DYRK4: variants seen among roughly 807,000 people sequenced by gnomAD.
DYRK4 encodes dual specificity tyrosine-phosphorylation-regulated kinase 4.
In DYRK4, 64 loss-of-function variants were observed where a neutral mutation model predicts 68.3. That is an observed-to-expected ratio of 0.94 (90% CI 0.77 to 1.15). DYRK4 has a LOEUF of 1.15. DYRK4 is among the 50% of genes most tolerant of loss of function. DYRK4 has a pLI of 0.00. For synonymous variants in DYRK4, 274 were observed against 289.9 expected (o/e 0.95, Z 0.56); for missense variants, 740 against 764.7 (o/e 0.97, Z 0.38).
intron 11 of DYRK4, among the ~76,000 whole-genome samples, chr12:4,606,216 T>G (rs908531992): frequency 7.2e-5 from 11 of 152,226 alleles, no homozygotes; most frequent in Non-Finnish European, 1.6e-4. Flanking sequence ...CTTTAAAAAT[T>G]TTAAATTTTA....
intron 14 of DYRK4, chr12:4,612,983 G>T: frequency 2.6e-6 from 1 of 388,454 alleles, no homozygotes; most frequent in Non-Finnish European, 4.7e-6. Flanking sequence ...TTCCTTTTCA[G>T]GGAAATTTGG....
At chr12:4,610,381 A>AT in intron 13 of DYRK4, 97 bp downstream of exon 13, 1 of 1,277,378 alleles carries the variant, frequency 7.8e-7, no homozygotes, top group Non-Finnish European at 1.1e-6. Context: ...GGAGATAGTT[A>AT]TAAAAGTAAC....
At position 4,613,437 on chromosome 12, in the gene DYRK4, A is replaced by T; in HGVS notation, c.1667-78A>T. On this transcript the variant is annotated intron_variant, in intron 14 of 14. Transcript: ENST00000543431. The surrounding 1 kb of genome is among the most constrained non-coding windows in gnomAD (Gnocchi z 4.0). The stretch of plus-strand genomic sequence containing the variant: ...TCACGGTCATCGTTTCCACTAAGTG[A>T]TGTACAACCTAAAGGACAATTAACA... 2.0e-6 allele frequency: 3 copies of T among 1,509,194 alleles called. No homozygotes were observed. In the South Asian group the frequency reaches 4.0e-5, roughly 20 times the overall value. 93.5% of individuals were successfully genotyped at this position (1,509,194 alleles called of 1,614,324 possible). A position where few individuals can be genotyped will look rare whatever the true frequency, so the allele number is the denominator to read the frequency against.
chr12:4,575,968 T>C (rs1591788317), intron 2 of DYRK4, among the ~76,000 whole-genome samples: 1 of 152,212 alleles, frequency 6.6e-6, no homozygotes, highest in East Asian at 1.9e-4. Flanking sequence ...CTCCTATTAT[T>C]GACATTTTAC....
rs377229666 is a variant in DYRK4 at position 4,591,346 on chromosome 12, C to T, written c.463+48C>T. ...GGGTGGGGAGGTGCTTATGGAAGGT[C>T]GGGGTGTTAAGAGCTAAGCTGCGCT... is the stretch of plus-strand genomic sequence containing the variant. On this transcript the variant is annotated intron_variant, in intron 5 of 14. Coordinates refer to ENST00000543431, the MANE Select transcript of DYRK4 (RefSeq NM_001394779.1). The surrounding 1 kb of genome is among the most constrained non-coding windows in gnomAD (Gnocchi z 4.1). 29 of 1,601,566 alleles carry T rather than the reference C, an allele frequency of 1.8e-5. No homozygotes were observed. The highest frequency in any genetic ancestry group is 4.5e-5 in the South Asian group (4 of 88,630).
chr12:4,611,965 T>C (rs1945226884), intron 13 of DYRK4, among the ~76,000 whole-genome samples: 2 of 152,232 alleles, frequency 1.3e-5, no homozygotes, highest in Non-Finnish European at 2.9e-5. Flanking sequence ...CAAGAACTTT[T>C]AAAGAATCGG....
In DYRK4 at chr12:4,562,225, C is replaced by G; in HGVS notation, c.-21C>G. ...GGGCTCTCACAGCCTCCCGCAGCGG[C>G]GGGCGGTCAGCGCCGGCCTCATGCA... On this transcript the variant is annotated 5_prime_UTR_variant, in exon 1 of 15. Coordinates refer to ENST00000543431, the MANE Select transcript of DYRK4 (RefSeq NM_001394779.1). 1 of 1,524,110 alleles carries G rather than the reference C, an allele frequency of 6.6e-7. No homozygotes were observed. Among genetic ancestry groups the G allele is most frequent in the African/African-American group, 1.4e-5 (1 of 72,412 alleles). 94.4% of individuals were successfully genotyped at this position (1,524,110 alleles called of 1,614,324 possible).
chr12:4,578,000 C>T (rs1944805993), intron 2 of DYRK4, among the ~76,000 whole-genome samples: 1 of 152,102 alleles, frequency 6.6e-6, no homozygotes, highest in Non-Finnish European at 1.5e-5. Flanking sequence ...AGCTTTTATA[C>T]AATCTTGGGT....
intron 11 of DYRK4, 143 bp from the exon 12 acceptor site, chr12:4,607,184 C>A: frequency 4.7e-6 from 4 of 850,432 alleles, no homozygotes; most frequent in Middle Eastern, 2.3e-4. Flanking sequence ...TCTGGGTTTG[C>A]TCTGCTACTG....
At chr12:4,570,040 AAATAATAATAATAAT>A (rs58464815) in intron 2 of DYRK4, among the ~76,000 whole-genome samples, 3,564 of 141,182 alleles carry the variant, frequency 0.025, 147 homozygotes, top group African/African-American at 0.082. Flanking sequence ...CTGTCGCTAT[AAATAATAATAATAAT>A]AATAATAATA....
At position 4,589,151 on chromosome 12, in the gene DYRK4, C is replaced by T. The variant is rs893822527; in HGVS notation, c.213+134C>T. 1.3e-4 allele frequency: 91 copies of T among 680,288 alleles called. 1 individual carries two copies. The East Asian group carries it at 2.0e-3, about 15-fold the overall frequency. The allele number at this position is 680,288 out of a possible 1,614,324, so 42.1% of individuals were successfully genotyped here. On this transcript the variant is annotated intron_variant, in intron 3 of 14. Transcript: ENST00000543431. ...TAACATGATGACAGCACTCTATCCA[C>T]GTCACCACACCCCATCTCCACATCA...
intron 6 of DYRK4, among the ~76,000 whole-genome samples, chr12:4,594,179 A>G (rs892192915): frequency 6.6e-6 from 1 of 152,176 alleles, no homozygotes; most frequent in African/African-American, 2.4e-5. Flanking sequence ...CAACCTGCGC[A>G]TACATAAAAT....
chr12:4,579,366 G>A (rs73257416), intron 2 of DYRK4, among the ~76,000 whole-genome samples: 3,384 of 152,200 alleles, frequency 0.022, 127 homozygotes, highest in African/African-American at 0.075. Context: ...AGGCATGGGA[G>A]TGCTCTCATG....
At chr12:4,603,816 T>A (rs929713723) in intron 10 of DYRK4, among the ~76,000 whole-genome samples, 1 of 152,260 alleles carries the variant, frequency 6.6e-6, no homozygotes, top group African/African-American at 2.4e-5. Flanking sequence ...TCAGTTTTCA[T>A]TTATCTTGGC....
chr12:4,598,116 C>T (rs1308233426), intron 8 of DYRK4, among the ~76,000 whole-genome samples: 1 of 152,044 alleles, frequency 6.6e-6, no homozygotes, highest in Non-Finnish European at 1.5e-5. Context: ...GTGACTCACA[C>T]CTGTAATCTC....
chr12:4,562,314 G>T, intron 1 of DYRK4, 31 bp downstream of exon 1: 1 of 1,528,252 alleles, frequency 6.5e-7, no homozygotes, highest in Non-Finnish European at 8.7e-7. Flanking sequence ...TACTTCACGA[G>T]CAGTCAGGCG....
chr12:4,601,705 T>G (rs897996887), intron 10 of DYRK4, among the ~76,000 whole-genome samples: 5 of 152,226 alleles, frequency 3.3e-5, no homozygotes, highest in African/African-American at 1.2e-4. Context: ...CAACTTTTAC[T>G]TTACATATAT....
At chr12:4,583,865 G>A (rs761901820) in intron 2 of DYRK4, among the ~76,000 whole-genome samples, 10 of 152,174 alleles carry the variant, frequency 6.6e-5, no homozygotes, top group Non-Finnish European at 1.5e-4. Flanking sequence ...GATTGGCTCT[G>A]GAGCTGGTCC....
At chr12:4,602,480 A>G in intron 10 of DYRK4, 1 of 1,303,300 alleles carries the variant, frequency 7.7e-7, no homozygotes, top group Non-Finnish European at 1.1e-6. Context: ...TCGATCTGAG[A>G]TGGCAGCAGA....
Sources: gnomAD v4.1 joint callset for allele counts (sites outside exome capture counted in the v4.1 genomes callset) on GRCh38, gnomAD v4.1.1 for gene constraint, Gnocchi (gnomAD v3.1) non-coding constraint, MANE v1.5 for transcripts, NCBI Gene and HGNC (gene_info 2026-07-23, HGNC 2026-07-21) for gene names.